The following KIAA0930 variants were observed in gnomAD, a reference collection of about 807,000 sequenced individuals.
KIAA0930 encodes uncharacterized protein KIAA0930.
A neutral mutation model predicts 43.9 loss-of-function variants in KIAA0930; 24 were observed. That is an observed-to-expected ratio of 0.55 (90% confidence interval 0.40 to 0.77). The LOEUF (loss-of-function observed/expected upper bound fraction) is 0.77. KIAA0930 is among the 30% of genes least tolerant of loss of function. The pLI, the probability that KIAA0930 is intolerant of heterozygous loss-of-function variation, is 0.00. For missense variants in KIAA0930, 461 were observed against 574.2 expected (o/e 0.80, Z 2.02); for synonymous variants, 259 against 216.4 (o/e 1.20, Z -1.73).
chr22:45,238,875 G>GCTCTCTCTCTCT (rs141242172), intron 1 of KIAA0930, among the ~76,000 whole-genome samples: 1 of 145,408 alleles, frequency 6.9e-6, no homozygotes, highest in Non-Finnish European at 1.5e-5. Context: ...CCCTGGGCAG[G>GCTCTCTCTCTCT]CTCTCTCTCT....
intron 1 of KIAA0930, chr22:45,226,440 G>C (rs2083801332): frequency 2.4e-6 from 1 of 412,384 alleles, no homozygotes; most frequent in Admixed American, 3.0e-5. Flanking sequence ...GGCGGGGGAG[G>C]CTCCTGCTGG....
intron 1 of KIAA0930, among the ~76,000 whole-genome samples, chr22:45,225,229 C>T (rs973765829): frequency 1.3e-5 from 2 of 152,100 alleles, no homozygotes; most frequent in African/African-American, 2.4e-5. Flanking sequence ...CTCCCAGAGC[C>T]TCTCCAGCTG....
In KIAA0930 at chr22:45,225,202, C is replaced by T. The variant is rs1278272409; in HGVS notation, c.65-13095G>A. On this transcript the variant is annotated intron_variant, in intron 1 of 9. Transcript: ENST00000336156. ...CCCCTCAATAGGCCTTTCATCCACTCGTGCCTCGCAGAGCCTCTCCCAGAG... is the reference window on the plus strand; with the variant it reads ...CCCCTCAATAGGCCTTTCATCCACTTGTGCCTCGCAGAGCCTCTCCCAGAG... 3.3e-5 allele frequency among the ~76,000 whole-genome samples: 5 copies of T among 152,222 alleles called. 1 individual carries two copies. Among genetic ancestry groups the T allele is most frequent in the Middle Eastern group, 3.4e-3 (1 of 294 alleles).
chr22:45,214,630 C>A (rs548912083), intron 1 of KIAA0930, among the ~76,000 whole-genome samples: 5 of 152,150 alleles, frequency 3.3e-5, no homozygotes, highest in Non-Finnish European at 7.4e-5. Flanking sequence ...CAAACTTAGC[C>A]GGGTGAGGTA....
intron 5 of KIAA0930, among the ~76,000 whole-genome samples, chr22:45,204,563 G>A (rs778304447): frequency 1.3e-5 from 2 of 152,174 alleles, no homozygotes; most frequent in African/African-American, 2.4e-5. Flanking sequence ...CTGAGCCTGC[G>A]ATTTTCCTGC....
intron 7 of KIAA0930, among the ~76,000 whole-genome samples, chr22:45,200,448 C>T (rs1213907256): frequency 1.3e-5 from 2 of 151,190 alleles, no homozygotes; most frequent in African/African-American, 4.9e-5. Context: ...GCCCATCTGA[C>T]ACATGGGGAA....
intron 1 of KIAA0930, among the ~76,000 whole-genome samples, chr22:45,234,106 A>G (rs1260500893): frequency 6.6e-6 from 1 of 152,212 alleles, no homozygotes; most frequent in Non-Finnish European, 1.5e-5. Context: ...GCCTTGGCAG[A>G]GGCCGGGCAC....
intron 8 of KIAA0930, among the ~76,000 whole-genome samples, chr22:45,199,007 G>T (rs35110403): frequency 0.021 from 3,173 of 152,254 alleles, 33 homozygotes; most frequent in Non-Finnish European, 0.031. Flanking sequence ...CCAGGCGCCC[G>T]CTGGGTCCTG....
intron 2 of KIAA0930, among the ~76,000 whole-genome samples, chr22:45,209,048 C>T (rs1371045975): frequency 6.6e-6 from 1 of 152,206 alleles, no homozygotes; most frequent in Non-Finnish European, 1.5e-5. Context: ...GAATCCAGGA[C>T]ATCCCTCCCT....
At chr22:45,216,920 C>A (rs2083736576) in intron 1 of KIAA0930, among the ~76,000 whole-genome samples, 1 of 152,214 alleles carries the variant, frequency 6.6e-6, no homozygotes, top group African/African-American at 2.4e-5. Flanking sequence ...ATAATCCATT[C>A]TCCTGATTTG....
Position 45,197,981 on chromosome 22 carries a change from C to G in KIAA0930, c.1016-33G>C, listed in dbSNP as rs751033323. ...AAAGAAGGCCAGGTCAAGGCCCCCA[C>G]AGCATGGGACGCGGCGGGAGCAGCA... On this transcript the variant is annotated intron_variant, in intron 8 of 9. Transcript: ENST00000336156. The G allele has an allele frequency of 4.3e-6, 7 of 1,610,214 alleles. No homozygotes were observed. In the South Asian group the frequency reaches 6.6e-5, roughly 15 times the overall value.
At position 45,202,072 on chromosome 22, in the gene KIAA0930, C is replaced by T. The variant is rs145151058; in HGVS notation, c.852+918G>A. Among the ~76,000 whole-genome samples the T allele has an allele frequency of 5.3e-3, 813 of 152,332 alleles. 11 individuals are homozygous for T. The highest frequency in any genetic ancestry group is 0.019 in the African/African-American group (792 of 41,564). Reference sequence around the variant, plus strand: ...GGCTTGGAGAGGAAAAGAGACACACCCAAGGTTATGAGAGCAGCAGAGCAG... The same window carrying T: ...GGCTTGGAGAGGAAAAGAGACACACTCAAGGTTATGAGAGCAGCAGAGCAG... On this transcript the variant is annotated intron_variant, in intron 7 of 9. Coordinates refer to ENST00000336156, the MANE Select transcript of KIAA0930 (RefSeq NM_001009880.2).
At chr22:45,222,126 G>T (rs761841006) in intron 1 of KIAA0930, among the ~76,000 whole-genome samples, 17 of 152,140 alleles carry the variant, frequency 1.1e-4, no homozygotes, top group Non-Finnish European at 1.9e-4. Context: ...TGAGGAAAAA[G>T]AATAAGGTTG....
At chr22:45,198,121 A>C (rs5766528) in intron 8 of KIAA0930, 173 bp from the exon 9 acceptor site, 3 of 617,288 alleles carry the variant, frequency 4.9e-6, no homozygotes, top group Non-Finnish European at 8.5e-6. Context: ...CCTCGCCTGT[A>C]ACACCCCTCC....
chr22:45,230,493 C>G (rs574163367), intron 1 of KIAA0930, among the ~76,000 whole-genome samples: 1 of 152,198 alleles, frequency 6.6e-6, no homozygotes, highest in African/African-American at 2.4e-5. Flanking sequence ...GCATCCTCAT[C>G]TCTGAAGACA....
chr22:45,220,938 C>T (rs1407874471), intron 1 of KIAA0930, among the ~76,000 whole-genome samples: 4 of 151,948 alleles, frequency 2.6e-5, no homozygotes, highest in South Asian at 2.1e-4. Flanking sequence ...TAAGCGTCCC[C>T]ATCCTGGCCT....
Position 45,201,643 on chromosome 22 carries a change from C to G in KIAA0930, c.852+1347G>C, listed in dbSNP as rs1239543951. ...ACTCAGAAATATAAACCACCTCATT[C>G]CAAAGACAAGAGAGGCCCCTGCCTG... is the stretch of plus-strand genomic sequence containing the variant. On this transcript the variant is annotated intron_variant, in intron 7 of 9. Transcript: ENST00000336156. Among the ~76,000 whole-genome samples, 5 of 152,288 alleles carry G rather than the reference C, an allele frequency of 3.3e-5. No individual in the cohort carries two copies. The South Asian group carries it at 8.3e-4, about 25-fold the overall frequency.
At position 45,205,613 on chromosome 22, in the gene KIAA0930, C is replaced by T; in HGVS notation, c.414+17G>A. 1 of 1,613,188 alleles carries T rather than the reference C, an allele frequency of 6.2e-7. No individual in the cohort carries two copies. Among genetic ancestry groups the T allele is most frequent in the East Asian group, 2.2e-5 (1 of 44,890 alleles). On this transcript the variant is annotated intron_variant, in intron 4 of 9. Coordinates refer to ENST00000336156, the MANE Select transcript of KIAA0930 (RefSeq NM_001009880.2). Reference sequence around the variant, plus strand: ...ACTGGCAGTTAGGAGGCTGGGGGCTCTCGTGCCAGGGCTCACCTGAGATTT... The same window carrying T: ...ACTGGCAGTTAGGAGGCTGGGGGCTTTCGTGCCAGGGCTCACCTGAGATTT...
chr22:45,221,923 G>A (rs1018861343), intron 1 of KIAA0930, among the ~76,000 whole-genome samples: 3 of 152,088 alleles, frequency 2.0e-5, no homozygotes, highest in Non-Finnish European at 2.9e-5. Flanking sequence ...TAGTAGAGAC[G>A]GGGTATCACC....
Sources: gnomAD v4.1 joint callset for allele counts (sites outside exome capture counted in the v4.1 genomes callset) on GRCh38, gnomAD v4.1.1 for gene constraint, MANE v1.5 for transcripts, NCBI Gene and HGNC (gene_info 2026-07-23, HGNC 2026-07-21) for gene names.